The following BLTP2 variants were observed in gnomAD, a reference collection of about 807,000 sequenced individuals.
BLTP2 encodes bridge-like lipid transfer protein family member 2, also known as U937-associated antigen.
chr17:28,634,137 C>G, the BLTP2 span: 18 of 1,490,226 alleles, frequency 1.2e-5, no homozygotes, highest in Non-Finnish European at 1.7e-5. Flanking sequence ...AGTCTGAGCA[C>G]TCTCGGGCCT....
chr17:28,621,018 C>G, the BLTP2 span: 1 of 1,614,190 alleles, frequency 6.2e-7, no homozygotes. Flanking sequence ...TCTTCCTTTT[C>G]CTGGTTCTCA....
At chr17:28,641,647 T>A in the BLTP2 span, among the ~76,000 whole-genome samples, 1,424 of 141,598 alleles carry the variant, frequency 0.01, 7 homozygotes, top group Non-Finnish European at 0.015. Flanking sequence ...TCTTTTTTTT[T>A]AAAAAAAAAG....
the BLTP2 span, chr17:28,635,271 C>A: frequency 6.2e-7 from 1 of 1,614,214 alleles, no homozygotes; most frequent in Non-Finnish European, 8.5e-7. Context: ...CAGCAGCCAG[C>A]TCTGGACAGT....
the BLTP2 span, among the ~76,000 whole-genome samples, chr17:28,626,173 CATAAAA>C: frequency 1.3e-5 from 2 of 152,158 alleles, no homozygotes; most frequent in Non-Finnish European, 2.9e-5. Flanking sequence ...GATCTGTCTT[CATAAAA>C]GTAAAACAAT....
At chr17:28,645,061 G>A in the BLTP2 span, 2 of 1,591,724 alleles carry the variant, frequency 1.3e-6, no homozygotes, top group South Asian at 1.1e-5. Flanking sequence ...AGGCATTTAG[G>A]TCCGGGTCCG....
the BLTP2 span, chr17:28,619,915 C>T: frequency 6.2e-7 from 1 of 1,614,068 alleles, no homozygotes; most frequent in South Asian, 1.1e-5. Context: ...CACATGCTGC[C>T]GCACAGCCTC....
At chr17:28,644,961 C>G in the BLTP2 span, 1 of 1,557,960 alleles carries the variant, frequency 6.4e-7, no homozygotes, top group African/African-American at 1.4e-5. Context: ...CCGCCGCCGC[C>G]GCCGCCGGCG....
chr17:28,635,705 C>A, the BLTP2 span: 1 of 1,266,484 alleles, frequency 7.9e-7, no homozygotes, highest in Non-Finnish European at 1.1e-6. Context: ...GCTCAAGAAC[C>A]ATCTCCACCC....
the BLTP2 span, among the ~76,000 whole-genome samples, chr17:28,617,572 C>A: frequency 2.0e-5 from 3 of 152,324 alleles, no homozygotes; most frequent in African/African-American, 7.2e-5. Flanking sequence ...TTTCCAAACG[C>A]CTCTGGTAGG....
At chr17:28,619,569 C>A in the BLTP2 span, 1 of 1,559,096 alleles carries the variant, frequency 6.4e-7, no homozygotes, top group Non-Finnish European at 8.8e-7. Flanking sequence ...CACACTAGAC[C>A]TAAAGACAGT....
the BLTP2 span, chr17:28,614,469 T>C: frequency 1.2e-5 from 5 of 405,508 alleles, no homozygotes; most frequent in Admixed American, 8.3e-5. Context: ...ATCTTTTTTT[T>C]TCTCTTTAAA....
At chr17:28,639,569 T>A in the BLTP2 span, 2 of 1,613,816 alleles carry the variant, frequency 1.2e-6, no homozygotes, top group Non-Finnish European at 1.7e-6. Context: ...ACCACAATCA[T>A]CACACCTGCA....
the BLTP2 span, chr17:28,635,943 T>C: frequency 5.0e-6 from 1 of 201,060 alleles, no homozygotes. Context: ...ATAAATCATC[T>C]GGCTTCATGT....
the BLTP2 span, chr17:28,616,146 AGTT>A: frequency 6.2e-7 from 1 of 1,614,148 alleles, no homozygotes; most frequent in East Asian, 2.2e-5. This position sits in a 1 kb window ranked among gnomAD's most constrained non-coding sequence, Gnocchi z 4.8. Flanking sequence ...TAGATGAAGG[AGTT>A]GTTCATGGCA....
At chr17:28,614,905 C>A in the BLTP2 span, 2 of 692,612 alleles carry the variant, frequency 2.9e-6, no homozygotes, top group Non-Finnish European at 5.0e-6. Flanking sequence ...TTACTGTCCA[C>A]CATGCCCTGC....
chr17:28,639,926 C>T, the BLTP2 span: 1 of 1,614,130 alleles, frequency 6.2e-7, no homozygotes, highest in Non-Finnish European at 8.5e-7. Context: ...CAGTGCTCAT[C>T]TGTGCCATAT....
the BLTP2 span, chr17:28,644,224 T>C: frequency 1.2e-6 from 2 of 1,603,146 alleles, no homozygotes; most frequent in African/African-American, 1.3e-5. Flanking sequence ...AGGACCTTTT[T>C]CCAATGATGG....
At chr17:28,620,600 T>C in the BLTP2 span, 1 of 1,614,126 alleles carries the variant, frequency 6.2e-7, no homozygotes, top group Non-Finnish European at 8.5e-7. Context: ...TTCCAGCTCA[T>C]GGTGGATAAG....
At chr17:28,636,898 A>C in the BLTP2 span, 2 of 1,297,434 alleles carry the variant, frequency 1.5e-6, no homozygotes, top group South Asian at 1.3e-5. Context: ...AAAAAAAAAA[A>C]AGACAGAGAA....
Sources: allele counts gnomAD v4.1 joint callset (sites outside exome capture counted in the v4.1 genomes callset), GRCh38; gene constraint gnomAD v4.1.1; non-coding constraint Gnocchi (gnomAD v3.1); transcripts MANE v1.5; gene names NCBI Gene and HGNC (gene_info 2026-07-23, HGNC 2026-07-21).